The following UTS2B variants were observed in gnomAD, a reference collection of about 807,000 sequenced individuals.
UTS2B encodes the protein urotensin-2B.
In UTS2B, 21 loss-of-function variants were observed where a neutral mutation model predicts 19.2. The ratio of observed to expected loss-of-function variants is 1.09; its 90% confidence interval spans 0.78 to 1.58. The LOEUF is 1.58. UTS2B is among the 40% of genes most tolerant of loss of function. The pLI is 0.00. For missense variants in UTS2B, 138 were observed against 130.3 expected, an observed-to-expected ratio of 1.06 and a Z score of -0.29; for synonymous variants, 57 against 50.2, an observed-to-expected ratio of 1.14 and a Z score of -0.58.
upstream of UTS2B, among the ~76,000 whole-genome samples, chr3:191,331,762 C>G (rs1315572438): frequency 1.3e-5 from 2 of 152,146 alleles, no homozygotes; most frequent in Non-Finnish European, 2.9e-5. Context: ...TAATATAACT[C>G]TTAATTATGG....
the UTS2B span, among the ~76,000 whole-genome samples, chr3:191,342,406 A>C: frequency 2.0e-5 from 3 of 152,178 alleles, no homozygotes; most frequent in Non-Finnish European, 4.4e-5. Context: ...AGTGCTAGCT[A>C]AAGTATCTAG....
chr3:191,339,134 A>G, the UTS2B span, among the ~76,000 whole-genome samples: 4 of 152,340 alleles, frequency 2.6e-5, no homozygotes, highest in African/African-American at 4.8e-5. Context: ...GTTGGAAACA[A>G]TGAATATACA....
chr3:191,312,152 A>G (rs1717319848), intron 3 of UTS2B, among the ~76,000 whole-genome samples: 1 of 130,110 alleles, frequency 7.7e-6, no homozygotes. Flanking sequence ...ATTCTGTCTC[A>G]AAAAAAAAAA....
At chr3:191,297,094 T>C (rs999084176) in intron 4 of UTS2B, among the ~76,000 whole-genome samples, 8 of 152,156 alleles carry the variant, frequency 5.3e-5, no homozygotes, top group African/African-American at 1.4e-4. Context: ...ATGAAGAGCC[T>C]TCCTATAACT....
At chr3:191,310,270 A>ATTTTT (rs35657398) in intron 3 of UTS2B, among the ~76,000 whole-genome samples, 2,266 of 147,138 alleles carry the variant, frequency 0.015, 25 homozygotes, top group Non-Finnish European at 0.022. Context: ...CCAGCCAGGT[A>ATTTTT]TTTTTTTTTT....
At chr3:191,275,596 C>T (rs191294496) in intron 7 of UTS2B, among the ~76,000 whole-genome samples, 55 of 152,074 alleles carry the variant, frequency 3.6e-4, no homozygotes, top group African/African-American at 1.3e-3. Flanking sequence ...AGGAGAATGG[C>T]GTGAACCCAG....
At chr3:191,272,095 C>T (rs937199608) in intron 8 of UTS2B, among the ~76,000 whole-genome samples, 4 of 152,166 alleles carry the variant, frequency 2.6e-5, no homozygotes, top group Non-Finnish European at 4.4e-5. Flanking sequence ...ATAGTGTATG[C>T]ATGAAGTGAA....
intron 2 of UTS2B, among the ~76,000 whole-genome samples, chr3:191,325,732 G>T (rs551289975): frequency 6.6e-6 from 1 of 152,180 alleles, no homozygotes; most frequent in Non-Finnish European, 1.5e-5. Flanking sequence ...CTAGCCTCCA[G>T]TAATTCAGAG....
At chr3:191,290,554 G>T (rs1444468247) in intron 4 of UTS2B, among the ~76,000 whole-genome samples, 2 of 152,150 alleles carry the variant, frequency 1.3e-5, no homozygotes, top group African/African-American at 4.8e-5. Flanking sequence ...TAACCCACAT[G>T]ATCTCTTGCC....
chr3:191,323,069 G>A (rs373585633), intron 2 of UTS2B, among the ~76,000 whole-genome samples: 1 of 152,238 alleles, frequency 6.6e-6, no homozygotes, highest in African/African-American at 2.4e-5. Flanking sequence ...TCAGTCTTAG[G>A]AGAAGTTGAT....
At chr3:191,306,839 C>G (rs1717154054) in intron 3 of UTS2B, among the ~76,000 whole-genome samples, 1 of 152,124 alleles carries the variant, frequency 6.6e-6, no homozygotes, top group Non-Finnish European at 1.5e-5. Flanking sequence ...ACCGTGTTGG[C>G]CAGGCGGGTC....
intron 4 of UTS2B, among the ~76,000 whole-genome samples, chr3:191,292,560 TC>T (rs1404043099): frequency 6.6e-6 from 1 of 152,188 alleles, no homozygotes; most frequent in Non-Finnish European, 1.5e-5. Flanking sequence ...TTTCATAGAT[TC>T]CTTAGGATTT....
intron 3 of UTS2B, 78 bp from the exon 4 acceptor site, chr3:191,304,626 C>A (rs1179910482): frequency 6.6e-6 from 1 of 152,216 alleles, no homozygotes; most frequent in Non-Finnish European, 1.5e-5. Flanking sequence ...TGTACAGAAA[C>A]TCACCAAACA....
intron 8 of UTS2B, among the ~76,000 whole-genome samples, chr3:191,270,604 T>C (rs1716066753): frequency 6.6e-6 from 1 of 152,190 alleles, no homozygotes; most frequent in South Asian, 2.1e-4. Flanking sequence ...TTCTATTCCT[T>C]AGCACAAAAT....
chr3:191,317,848 G>A (rs919020063), intron 2 of UTS2B, among the ~76,000 whole-genome samples: 1 of 152,132 alleles, frequency 6.6e-6, no homozygotes, highest in African/African-American at 2.4e-5. Context: ...CCAAAGTACT[G>A]GGATTACAGG....
chr3:191,279,172 G>C (rs1161671411), intron 5 of UTS2B, among the ~76,000 whole-genome samples: 1 of 152,024 alleles, frequency 6.6e-6, no homozygotes, highest in Non-Finnish European at 1.5e-5. Flanking sequence ...TTTGGGGCAA[G>C]TGACAGGATC....
At chr3:191,342,839 A>G in the UTS2B span, among the ~76,000 whole-genome samples, 1 of 152,228 alleles carries the variant, frequency 6.6e-6, no homozygotes, top group African/African-American at 2.4e-5. Flanking sequence ...ATTGTCTACT[A>G]CTGCTTATAT....
chr3:191,332,816 G>A (rs9826141), upstream of UTS2B, among the ~76,000 whole-genome samples: 28,256 of 152,036 alleles, frequency 0.19, 3,088 homozygotes, highest in Non-Finnish European at 0.24. Flanking sequence ...TTCCTGTATC[G>A]GTAAATGAAT....
At chr3:191,270,514 A>G (rs556556224) in intron 8 of UTS2B, among the ~76,000 whole-genome samples, 1 of 152,258 alleles carries the variant, frequency 6.6e-6, no homozygotes, top group Admixed American at 6.5e-5. Flanking sequence ...ACATGTTGTA[A>G]TATCTACTTT....
Sources: allele counts gnomAD v4.1 joint callset (sites outside exome capture counted in the v4.1 genomes callset), GRCh38; gene constraint gnomAD v4.1.1; transcripts MANE v1.5; gene names NCBI Gene and HGNC (gene_info 2026-07-23, HGNC 2026-07-21).